The following KCNH5 variants were observed in gnomAD, a reference collection of about 807,000 sequenced individuals.
KCNH5 encodes potassium voltage-gated channel subfamily H member 5, also known as voltage-gated delayed rectifier potassium channel KCNH5.
KCNH5 carries 46 observed loss-of-function variants against 96.1 expected under a neutral mutation model. The observed-to-expected ratio is 0.48, with a 90% confidence interval of 0.38 to 0.61. The LOEUF is 0.61. Among genes scored for constraint, KCNH5 ranks in the 20% least tolerant of loss-of-function variants. KCNH5 has a pLI of 0.00. For synonymous variants in KCNH5, 439 were observed against 449.8 expected, an observed-to-expected ratio of 0.98 and a Z score of 0.30; for missense variants, 907 against 1,225.8, an observed-to-expected ratio of 0.74 and a Z score of 3.88.
rs771984476 is a variant in KCNH5, at chr14:62,779,820, G to A, written c.1927C>T (p.Arg643Trp). The A allele has an allele frequency of 2.4e-5, 38 of 1,613,828 alleles. No individual in the cohort carries two copies. The highest frequency in any genetic ancestry group is 2.7e-5 in the Non-Finnish European group (32 of 1,179,872). The change falls in exon 10 of 11, where the codon CGG (arginine) becomes TGG (tryptophan). Residue 643 changes from arginine (R) to tryptophan (W), a missense_variant. Physicochemically the swap from Arg to Trp is moderately radical, Grantham distance 101. Coordinates refer to ENST00000322893, the MANE Select transcript of KCNH5 (RefSeq NM_139318.5). ...TCCAGGACTTTGAGCAAGGCTTCCC[G>A]CTTGATGATGTGTAGGTCACAGTAC... ...LTYCDLHIIKREALLKVLDFY... is the reference protein window; with the variant it reads ...LTYCDLHIIKWEALLKVLDFY...
At chr14:62,765,284 A>T (rs542661021) in intron 10 of KCNH5, among the ~76,000 whole-genome samples, 1 of 152,318 alleles carries the variant, frequency 6.6e-6, no homozygotes, top group African/African-American at 2.4e-5. Context: ...AGGACTCCCT[A>T]TTCCATAAAT....
At chr14:62,724,773 G>A (rs1276194158) in intron 10 of KCNH5, among the ~76,000 whole-genome samples, 1 of 152,130 alleles carries the variant, frequency 6.6e-6, no homozygotes, top group East Asian at 1.9e-4. Flanking sequence ...CTGTAGTGTT[G>A]AACTTTAATT....
At chr14:62,952,488 C>T (rs1890025716) in intron 6 of KCNH5, among the ~76,000 whole-genome samples, 1 of 152,096 alleles carries the variant, frequency 6.6e-6, no homozygotes, top group Non-Finnish European at 1.5e-5. Context: ...CTCACTTCTG[C>T]TCTAAAGAAA....
chr14:62,784,513 T>C (rs919906503), intron 9 of KCNH5, among the ~76,000 whole-genome samples: 1 of 152,224 alleles, frequency 6.6e-6, no homozygotes, highest in African/African-American at 2.4e-5. Context: ...TTCTTCCTAC[T>C]GTATGTTTTC....
At chr14:62,791,385 C>T (rs1886431251) in intron 9 of KCNH5, among the ~76,000 whole-genome samples, 1 of 151,388 alleles carries the variant, frequency 6.6e-6, no homozygotes, top group Admixed American at 6.6e-5. Flanking sequence ...TACAAAATAA[C>T]CAAGCAACAA....
chr14:63,010,974 T>C (rs1484336060), intron 2 of KCNH5, among the ~76,000 whole-genome samples: 2 of 152,164 alleles, frequency 1.3e-5, no homozygotes. Context: ...TAATATTATC[T>C]GCAGGCTGTA....
intron 9 of KCNH5, among the ~76,000 whole-genome samples, chr14:62,795,393 G>A (rs116265904): frequency 0.011 from 1,666 of 152,170 alleles, 12 homozygotes; most frequent in African/African-American, 0.02. Context: ...GGATGGCTGC[G>A]TCTGTACTAA....
chr14:62,908,085 T>G (rs1455564159), intron 7 of KCNH5, among the ~76,000 whole-genome samples: 1 of 152,194 alleles, frequency 6.6e-6, no homozygotes, highest in Non-Finnish European at 1.5e-5. Context: ...CAAACTTTTG[T>G]GGGTAATGGA....
At chr14:62,782,616 C>G (rs1333456807) in intron 9 of KCNH5, among the ~76,000 whole-genome samples, 1 of 152,082 alleles carries the variant, frequency 6.6e-6, no homozygotes, top group Non-Finnish European at 1.5e-5. Flanking sequence ...CGAGACCATC[C>G]TGGCTAACAC....
At chr14:62,862,726 G>A (rs1595660295) in intron 7 of KCNH5, among the ~76,000 whole-genome samples, 4 of 152,170 alleles carry the variant, frequency 2.6e-5, no homozygotes, top group African/African-American at 9.7e-5. Context: ...GGGACAACAA[G>A]AGAGCAAGAA....
At chr14:62,856,706 C>T (rs993078922) in intron 7 of KCNH5, among the ~76,000 whole-genome samples, 1 of 152,054 alleles carries the variant, frequency 6.6e-6, no homozygotes, top group Non-Finnish European at 1.5e-5. Context: ...CCTGGCTTCG[C>T]TGGATGCTCT....
At chr14:62,950,658 A>G (rs35704973) in intron 6 of KCNH5, 99 bp from the exon 7 acceptor site, 2 of 979,002 alleles carry the variant, frequency 2.0e-6, no homozygotes, top group Non-Finnish European at 2.9e-6. Context: ...TTAACCATCC[A>G]ATTATATATT....
intron 4 of KCNH5, among the ~76,000 whole-genome samples, chr14:62,991,145 T>C (rs1043029932): frequency 2.0e-5 from 3 of 152,106 alleles, no homozygotes; most frequent in African/African-American, 7.2e-5. Flanking sequence ...AATGTTTTAC[T>C]GAATGGTTTT....
At chr14:62,865,389 G>A (rs1888115282) in intron 7 of KCNH5, among the ~76,000 whole-genome samples, 1 of 151,932 alleles carries the variant, frequency 6.6e-6, no homozygotes, top group Non-Finnish European at 1.5e-5. Context: ...GGACTGGAGT[G>A]GGAAAGAGAC....
At chr14:62,973,364 G>A (rs1410462873) in intron 6 of KCNH5, among the ~76,000 whole-genome samples, 1 of 152,164 alleles carries the variant, frequency 6.6e-6, no homozygotes, top group African/African-American at 2.4e-5. Flanking sequence ...AAATATATAT[G>A]TTAAAACTTA....
chr14:62,891,309 A>T (rs1485270970), intron 7 of KCNH5, among the ~76,000 whole-genome samples: 1 of 152,254 alleles, frequency 6.6e-6, no homozygotes, highest in Non-Finnish European at 1.5e-5. Flanking sequence ...ATAGGAACAG[A>T]TAACCAAATA....
rs1275207264 is a variant in KCNH5 at position 62,701,018 on chromosome 14, T to C, written c.*6490A>G. On this transcript the variant is annotated 3_prime_UTR_variant, in exon 11 of 11. Coordinates refer to ENST00000322893, the MANE Select transcript of KCNH5 (RefSeq NM_139318.5). ...TATTATGGATACTCAATCTGGTTTATTGAAGCTTCAAGGTGAATATTTTGG... is the reference window on the plus strand; with the variant it reads ...TATTATGGATACTCAATCTGGTTTACTGAAGCTTCAAGGTGAATATTTTGG... The C allele has an allele frequency of 6.6e-6, 1 of 152,188 alleles. No individual in the cohort carries two copies. The highest frequency in any genetic ancestry group is 1.5e-5 in the Non-Finnish European group (1 of 68,004). 9.4% of individuals were successfully genotyped at this position (152,188 alleles called of 1,614,324 possible).
chr14:62,952,645 T>C (rs1890028839), intron 6 of KCNH5, among the ~76,000 whole-genome samples: 1 of 152,214 alleles, frequency 6.6e-6, no homozygotes, highest in Non-Finnish European at 1.5e-5. Flanking sequence ...AAGTCATTTC[T>C]ACCTGAATTC....
intron 7 of KCNH5, among the ~76,000 whole-genome samples, chr14:62,853,047 C>A (rs1007882118): frequency 6.6e-6 from 1 of 152,156 alleles, no homozygotes; most frequent in African/African-American, 2.4e-5. Context: ...CAGCCAAATG[C>A]ACTTTTCACC....
Sources: gnomAD v4.1 joint callset for allele counts (sites outside exome capture counted in the v4.1 genomes callset) on GRCh38, gnomAD v4.1.1 for gene constraint, MANE v1.5 for transcripts, NCBI Gene and HGNC (gene_info 2026-07-23, HGNC 2026-07-21) for gene names.